The following PTPRR variants were observed in gnomAD, a reference collection of about 807,000 sequenced individuals.
The protein encoded by PTPRR is receptor-type tyrosine-protein phosphatase R.
Under a neutral mutation model 77.2 loss-of-function variants are expected in PTPRR, and 38 were observed. That is an observed-to-expected ratio of 0.49 (90% CI 0.38 to 0.65). PTPRR has a LOEUF of 0.65. Ranked by LOEUF, PTPRR falls within the 30% of genes least tolerant of loss-of-function variation. The pLI, the probability that PTPRR is intolerant of heterozygous loss-of-function variation, is 0.00. For synonymous variants in PTPRR, 299 were observed against 283.1 expected (o/e 1.06, Z -0.57); for missense variants, 744 against 799.2 (o/e 0.93, Z 0.83).
At chr12:70,843,244 A>G (rs1892426796) in intron 2 of PTPRR, among the ~76,000 whole-genome samples, 1 of 152,188 alleles carries the variant, frequency 6.6e-6, no homozygotes, top group Non-Finnish European at 1.5e-5. Flanking sequence ...CAGTCTCACC[A>G]CTGTTAGTCT....
At chr12:70,698,589 G>A (rs1888314686) in intron 7 of PTPRR, among the ~76,000 whole-genome samples, 1 of 152,090 alleles carries the variant, frequency 6.6e-6, no homozygotes, top group Non-Finnish European at 1.5e-5. Context: ...TAGTCAGTAA[G>A]GAGACATATA....
intron 7 of PTPRR, among the ~76,000 whole-genome samples, chr12:70,700,718 A>G (rs1888390341): frequency 6.6e-6 from 1 of 152,200 alleles, no homozygotes; most frequent in Non-Finnish European, 1.5e-5. Flanking sequence ...TATCCAAAAC[A>G]TAAGATAAAG....
intron 6 of PTPRR, among the ~76,000 whole-genome samples, chr12:70,742,171 C>T (rs1386796379): frequency 1.3e-5 from 2 of 152,138 alleles, no homozygotes; most frequent in Non-Finnish European, 2.9e-5. Flanking sequence ...GGGCCTTACT[C>T]TTCATGTTGA....
chr12:70,812,693 G>T (rs1447491616), intron 2 of PTPRR, among the ~76,000 whole-genome samples: 2 of 152,162 alleles, frequency 1.3e-5, no homozygotes, highest in African/African-American at 2.4e-5. Flanking sequence ...GAAGCAGTTC[G>T]ATGTGTTTAT....
Position 70,709,935 on chromosome 12 carries a change from A to G in PTPRR, c.1008-8612T>C, listed in dbSNP as rs529388047. Among the ~76,000 whole-genome samples the G allele has an allele frequency of 8.5e-5, 13 of 152,276 alleles. No homozygotes were observed. The East Asian group carries it at 2.5e-3, about 29-fold the overall frequency. On this transcript the variant is annotated intron_variant, in intron 6 of 13. Coordinates refer to ENST00000283228, the MANE Select transcript of PTPRR (RefSeq NM_002849.4). ...CTACCCAAAATGATTTATAGATTCA[A>G]TGATGGCACTTAATATTAATTAAGC... is the stretch of plus-strand genomic sequence containing the variant.
chr12:70,673,913 CTT>C (rs1184191042), intron 10 of PTPRR, among the ~76,000 whole-genome samples: 4 of 151,908 alleles, frequency 2.6e-5, no homozygotes, highest in Non-Finnish European at 5.9e-5. Flanking sequence ...AAAAAATTGA[CTT>C]TTGTTTACAT....
intron 6 of PTPRR, among the ~76,000 whole-genome samples, chr12:70,704,063 G>A (rs1360540339): frequency 6.6e-6 from 1 of 152,048 alleles, no homozygotes; most frequent in Non-Finnish European, 1.5e-5. Context: ...TTGAAATTGG[G>A]GAGCAGGCTT....
At chr12:70,865,109 G>T (rs993564301) in intron 2 of PTPRR, among the ~76,000 whole-genome samples, 2 of 152,020 alleles carry the variant, frequency 1.3e-5, no homozygotes, top group African/African-American at 4.8e-5. Context: ...CATTGTGCCC[G>T]ACCGAGATCT....
chr12:70,857,290 T>A (rs1293243178), intron 2 of PTPRR, among the ~76,000 whole-genome samples: 2 of 152,110 alleles, frequency 1.3e-5, no homozygotes, highest in East Asian at 1.9e-4. Flanking sequence ...GAGAATATAG[T>A]GCCATGAAGA....
intron 6 of PTPRR, among the ~76,000 whole-genome samples, chr12:70,704,470 T>A (rs1050405484): frequency 6.6e-6 from 1 of 151,484 alleles, no homozygotes; most frequent in Non-Finnish European, 1.5e-5. Context: ...AAAAGCCAGA[T>A]AAAAGAGGAT....
chr12:70,685,019 G>T, intron 8 of PTPRR: 1 of 331,724 alleles, frequency 3.0e-6, no homozygotes, highest in Non-Finnish European at 5.4e-6. Context: ...TATATTTCAG[G>T]CCATTTCTCA....
intron 6 of PTPRR, among the ~76,000 whole-genome samples, chr12:70,718,014 A>G (rs1166546071): frequency 6.6e-6 from 1 of 152,234 alleles, no homozygotes; most frequent in Admixed American, 6.5e-5. Flanking sequence ...ATGCTAAGAA[A>G]AGAAAAATAC....
At chr12:70,809,384 A>T (rs1891769575) in intron 2 of PTPRR, among the ~76,000 whole-genome samples, 1 of 152,088 alleles carries the variant, frequency 6.6e-6, no homozygotes, top group Non-Finnish European at 1.5e-5. Flanking sequence ...ATATGTGAGA[A>T]GTTAAAATTA....
At chr12:70,707,084 A>G (rs2136800949) in intron 6 of PTPRR, among the ~76,000 whole-genome samples, 1 of 152,270 alleles carries the variant, frequency 6.6e-6, no homozygotes, top group South Asian at 2.1e-4. Flanking sequence ...TTAGTGATTA[A>G]GAGTTAGCAG....
chr12:70,858,247 C>A (rs1892686695), intron 2 of PTPRR, among the ~76,000 whole-genome samples: 1 of 152,056 alleles, frequency 6.6e-6, no homozygotes, highest in Non-Finnish European at 1.5e-5. Flanking sequence ...TGACTCTTCC[C>A]ACCTATTTCT....
At chr12:70,905,265 C>A (rs1044221198) in intron 1 of PTPRR, among the ~76,000 whole-genome samples, 1 of 151,734 alleles carries the variant, frequency 6.6e-6, no homozygotes, top group Non-Finnish European at 1.5e-5. Context: ...ATGAAGTCAT[C>A]TCATAAGAGA....
At chr12:70,644,966 G>A (rs1886143059) in intron 13 of PTPRR, among the ~76,000 whole-genome samples, 1 of 152,082 alleles carries the variant, frequency 6.6e-6, no homozygotes, top group Non-Finnish European at 1.5e-5. Flanking sequence ...TTCCCAACCT[G>A]GCTTTTCTCA....
At chr12:70,793,604 A>T (rs1413952099) in intron 2 of PTPRR, among the ~76,000 whole-genome samples, 2 of 152,166 alleles carry the variant, frequency 1.3e-5, no homozygotes, top group African/African-American at 2.4e-5. Context: ...CCAAAGCATT[A>T]CTAGAAAAAC....
At chr12:70,803,141 A>G (rs916437289) in intron 2 of PTPRR, among the ~76,000 whole-genome samples, 3 of 152,200 alleles carry the variant, frequency 2.0e-5, no homozygotes, top group Non-Finnish European at 4.4e-5. Context: ...AGATTTTGTC[A>G]CTAAAGCAGT....
Sources: gnomAD v4.1 joint callset for allele counts (sites outside exome capture counted in the v4.1 genomes callset) on GRCh38, gnomAD v4.1.1 for gene constraint, MANE v1.5 for transcripts, NCBI Gene and HGNC (gene_info 2026-07-23, HGNC 2026-07-21) for gene names.